The following TENM4 variants were observed in gnomAD, a reference collection of about 807,000 sequenced individuals.
TENM4 encodes the protein teneurin transmembrane protein 4.
TENM4 carries 82 observed loss-of-function variants against 243.3 expected under a neutral mutation model. The observed-to-expected ratio is 0.34, with a 90% confidence interval of 0.28 to 0.40. The LOEUF (loss-of-function observed/expected upper bound fraction) is 0.40, where lower values mean the gene tolerates loss of function less well. TENM4 is among the 10% of genes least tolerant of loss of function. The probability of loss-of-function intolerance (pLI) is 1.00; values close to 1 mark genes in which losing one functional copy is unlikely to be tolerated. For missense variants in TENM4, 3,138 were observed against 3,673.3 expected (o/e 0.85, Z 3.77); for synonymous variants, 1,412 against 1,456.3 (o/e 0.97, Z 0.69).
intron 1 of TENM4, among the ~76,000 whole-genome samples, chr11:79,339,155 C>T (rs750648398): frequency 3.3e-5 from 5 of 152,142 alleles, no homozygotes; most frequent in Admixed American, 2.0e-4. Context: ...GATTGTTGGA[C>T]GGGGCTGTCC....
At chr11:79,153,123 G>C (rs934199237) in intron 3 of TENM4, among the ~76,000 whole-genome samples, 6 of 152,216 alleles carry the variant, frequency 3.9e-5, no homozygotes, top group Non-Finnish European at 5.9e-5. Context: ...AAGATGACTA[G>C]ACTGGGGTCA....
At chr11:79,016,353 C>G (rs1259890910) in intron 6 of TENM4, among the ~76,000 whole-genome samples, 1 of 152,050 alleles carries the variant, frequency 6.6e-6, no homozygotes, top group African/African-American at 2.4e-5. Flanking sequence ...GATTTAGACA[C>G]AGAAGATGAA....
intron 15 of TENM4, among the ~76,000 whole-genome samples, chr11:78,789,472 C>T (rs2136045242): frequency 6.6e-6 from 1 of 152,326 alleles, no homozygotes; most frequent in African/African-American, 2.4e-5. Flanking sequence ...ATTCCCATTT[C>T]TTCTGTACAA....
At chr11:78,859,799 G>T (rs947375937) in intron 10 of TENM4, among the ~76,000 whole-genome samples, 1 of 152,214 alleles carries the variant, frequency 6.6e-6, no homozygotes, top group Non-Finnish European at 1.5e-5. Context: ...AATTTGCATG[G>T]TTCAAACTAA....
rs1036335396 is a variant in TENM4 at position 79,324,188 on chromosome 11, T to C, written c.-320-26645A>G. On this transcript the variant is annotated intron_variant, in intron 1 of 33. Coordinates refer to ENST00000278550, the MANE Select transcript of TENM4 (RefSeq NM_001098816.3). ...TTTTTACTCATTATTTTTATTGTTG[T>C]GTTATTTCTTATTCCTTTTCCTTTA... Among the ~76,000 whole-genome samples the C allele has an allele frequency of 5.3e-5, 8 of 152,272 alleles. No individual in the cohort carries two copies. In the East Asian group the frequency reaches 5.8e-4, roughly 11 times the overall value.
intron 6 of TENM4, among the ~76,000 whole-genome samples, chr11:78,906,121 C>T (rs995916699): frequency 6.6e-6 from 1 of 152,236 alleles, no homozygotes; most frequent in African/African-American, 2.4e-5. Context: ...GAGTCAACCT[C>T]ATGGCATTTT....
At chr11:78,842,898 G>A (rs1328566094) in intron 12 of TENM4, among the ~76,000 whole-genome samples, 1 of 152,242 alleles carries the variant, frequency 6.6e-6, no homozygotes, top group Non-Finnish European at 1.5e-5. Flanking sequence ...TGTAGGCCAG[G>A]TGTGATGGCT....
At chr11:78,804,103 C>A (rs573805852) in intron 15 of TENM4, among the ~76,000 whole-genome samples, 2 of 152,320 alleles carry the variant, frequency 1.3e-5, no homozygotes, top group East Asian at 3.9e-4. Context: ...ACATAATGAG[C>A]TAATCTGATA....
rs780976435 is a variant in TENM4, at chr11:78,819,806, T to C, written c.1682-5411A>G. Among the ~76,000 whole-genome samples the C allele has an allele frequency of 1.2e-3, 188 of 152,326 alleles. 4 individuals are homozygous for C. Among genetic ancestry groups the C allele is most frequent in the South Asian group, 6.2e-4 (3 of 4,822 alleles). The stretch of plus-strand genomic sequence containing the variant: ...TTACTACTAATATCTCCTTCTGTTT[T>C]TGTTGTCTCCTTAAATTATAAAAGT... On this transcript the variant is annotated intron_variant, in intron 12 of 33. Coordinates refer to ENST00000278550, the MANE Select transcript of TENM4 (RefSeq NM_001098816.3).
At chr11:78,789,553 G>A (rs1857011064) in intron 15 of TENM4, among the ~76,000 whole-genome samples, 1 of 152,206 alleles carries the variant, frequency 6.6e-6, no homozygotes. Flanking sequence ...ACTTTCCCTT[G>A]AGGGCCCTTG....
chr11:79,377,978 G>A (rs1239236701), intron 1 of TENM4, among the ~76,000 whole-genome samples: 1 of 152,180 alleles, frequency 6.6e-6, no homozygotes, highest in African/African-American at 2.4e-5. Context: ...ATAATACAGA[G>A]GTCAGGCTCA....
At chr11:79,260,707 C>T (rs893690570) in intron 2 of TENM4, among the ~76,000 whole-genome samples, 20 of 152,170 alleles carry the variant, frequency 1.3e-4, no homozygotes, top group African/African-American at 4.1e-4. Context: ...TCTTCCTCCT[C>T]AAGCAGCACG....
rs527418799 is a variant in TENM4, at chr11:79,319,548, T to G, written c.-320-22005A>C. Among the ~76,000 whole-genome samples the G allele has an allele frequency of 7.2e-5, 11 of 152,278 alleles. No homozygotes were observed. In the East Asian group the frequency reaches 2.1e-3, roughly 30 times the overall value. ...AATATAAAGTCAAGTATGTGCAACT[T>G]AATGTTGTTCCACCAAATGGATGAT... On this transcript the variant is annotated intron_variant, in intron 1 of 33. Coordinates refer to ENST00000278550, the MANE Select transcript of TENM4 (RefSeq NM_001098816.3).
intron 6 of TENM4, among the ~76,000 whole-genome samples, chr11:78,946,623 T>C (rs1343793870): frequency 1.3e-5 from 2 of 152,368 alleles, no homozygotes; most frequent in East Asian, 1.9e-4. Flanking sequence ...ATTCCTCTGA[T>C]GGATCTGGGC....
chr11:79,176,060 C>A (rs146211231), intron 3 of TENM4, among the ~76,000 whole-genome samples: 5 of 152,256 alleles, frequency 3.3e-5, no homozygotes, highest in African/African-American at 1.2e-4. Context: ...CCACTGCACT[C>A]CAGCCTGGGT....
chr11:78,930,448 G>T (rs1017882813), intron 6 of TENM4, among the ~76,000 whole-genome samples: 1 of 152,196 alleles, frequency 6.6e-6, no homozygotes, highest in Non-Finnish European at 1.5e-5. Context: ...CACATAGGCA[G>T]GTCCCTCCAC....
intron 6 of TENM4, among the ~76,000 whole-genome samples, chr11:78,989,246 C>T (rs146276052): frequency 3.2e-4 from 49 of 152,314 alleles, no homozygotes; most frequent in Middle Eastern, 3.4e-3. Flanking sequence ...CCAGAGGTTA[C>T]GTTTTGGTCA....
intron 1 of TENM4, among the ~76,000 whole-genome samples, chr11:79,387,977 A>T (rs1288959035): frequency 6.6e-6 from 1 of 152,234 alleles, no homozygotes; most frequent in Non-Finnish European, 1.5e-5. Flanking sequence ...GGTGACAATA[A>T]GACCCTGTCT....
intron 1 of TENM4, among the ~76,000 whole-genome samples, chr11:79,421,596 T>G (rs896516944): frequency 6.6e-6 from 1 of 151,794 alleles, no homozygotes; most frequent in East Asian, 1.9e-4. Context: ...CAAGGTAGAA[T>G]GAGGAGTTTA....
Sources: gnomAD v4.1 joint callset for allele counts (sites outside exome capture counted in the v4.1 genomes callset) on GRCh38, gnomAD v4.1.1 for gene constraint, MANE v1.5 for transcripts, NCBI Gene and HGNC (gene_info 2026-07-23, HGNC 2026-07-21) for gene names.